TELO2: variants seen among roughly 807,000 people sequenced by gnomAD.
The protein encoded by TELO2 is telomere length regulation protein TEL2 homolog.
Under a neutral mutation model 91.0 loss-of-function variants are expected in TELO2, and 71 were observed. The observed-to-expected ratio is 0.78, with a 90% confidence interval of 0.64 to 0.95. The LOEUF is 0.95. Among genes scored for constraint, TELO2 ranks in the 40% least tolerant of loss-of-function variants. The pLI is 0.00. For missense variants in TELO2, 1,183 were observed against 1,141.3 expected, an observed-to-expected ratio of 1.04 and a Z score of -0.53; for synonymous variants, 584 against 518.9, an observed-to-expected ratio of 1.13 and a Z score of -1.71.
In TELO2 at chr16:1,502,260, T is replaced by G. The variant is rs1486478736; in HGVS notation, c.1562-53T>G. 1.9e-6 allele frequency: 3 copies of G among 1,566,596 alleles called. No individual in the cohort carries two copies. The African/African-American group carries it at 4.1e-5, about 21-fold the overall frequency. On this transcript the variant is annotated intron_variant, in intron 12 of 20. Coordinates refer to ENST00000262319, the MANE Select transcript of TELO2 (RefSeq NM_016111.4). ...GTGCCGCCCGTGCTGCTGGCTCTCA[T>G]GGGTTCAGGGTCAGGGCTGAGGCTG...
Position 1,500,576 on chromosome 16 carries a change from C to T in TELO2, c.1158C>T (p.Ser386=). The part of the protein sequence containing the change: ...LRDSRDELLA[S]MMAGVKCRLD... ...CGGTGCTTGCAGAACTGCTGGCCAG[C>T]ATGATGGCGGGCGTGAAGTGCCGCC... The change falls in exon 9 of 21, where the codon AGC becomes AGT. Residue 386 remains serine (S), a synonymous_variant. Transcript: ENST00000262319. The T allele has an allele frequency of 6.2e-7, 1 of 1,611,974 alleles. No individual in the cohort carries two copies. Among genetic ancestry groups the T allele is most frequent in the Non-Finnish European group, 8.5e-7 (1 of 1,179,602 alleles).
chr16:1,510,017 C>A lies in TELO2; in HGVS notation c.*81C>A. On this transcript the variant is annotated 3_prime_UTR_variant, in exon 21 of 21. Transcript: ENST00000262319. ...AGCGGCCTGGAGCAGCAGAGCCAGG[C>A]TTTGTAGCGAGGCCAGGTCTTCGGC... The A allele has an allele frequency of 1.5e-6, 2 of 1,303,492 alleles. No homozygotes were observed. The highest frequency in any genetic ancestry group is 2.1e-6 in the Non-Finnish European group (2 of 936,682). 80.7% of individuals were successfully genotyped at this position (1,303,492 alleles called of 1,614,324 possible).
rs1302521488 is a variant in TELO2, at chr16:1,505,781, C to CTA, written c.2034+181_2034+182insAT. 6.6e-6 allele frequency among the ~76,000 whole-genome samples: 1 copy of CTA among 152,220 alleles called. No homozygotes were observed. The highest frequency in any genetic ancestry group is 2.4e-5 in the African/African-American group (1 of 41,462). ...TTTGCACCGAGGAACTGGATTTTGG[C>CTA]TGTAGGAGACCCAGACTGGGCTTGG... On this transcript the variant is annotated intron_variant, in intron 16 of 20. Coordinates refer to ENST00000262319, the MANE Select transcript of TELO2 (RefSeq NM_016111.4). This position sits in a 1 kb window ranked among gnomAD's most constrained non-coding sequence, Gnocchi z 4.3.
In TELO2 at chr16:1,495,371, G is replaced by A. The variant is rs757625861; in HGVS notation, c.361G>A (p.Ala121Thr). The change falls in exon 3 of 21, where the codon GCG (alanine) becomes ACG (threonine). Residue 121 changes from alanine (A) to threonine (T), a missense_variant. Transcript: ENST00000262319. ...AGPSFRLMKM[A>T]RLLARFLREG... ...CCCCAGCTTCCGGCTGATGAAGATG[G>A]CGCGGCTGCTGGCCAGATTCCTGCG... is the stretch of plus-strand genomic sequence containing the variant. 7.1e-6 allele frequency: 11 copies of A among 1,559,296 alleles called. No homozygotes were observed. The highest frequency in any genetic ancestry group is 9.5e-6 in the Non-Finnish European group (11 of 1,152,050).
At chr16:1,500,240 G>A in intron 7 of TELO2, 76 bp downstream of exon 7, 2 of 1,533,904 alleles carry the variant, frequency 1.3e-6, no homozygotes, top group Non-Finnish European at 1.8e-6. Context: ...TTGGGCGGCA[G>A]GGTGAGGCTG....
intron 14 of TELO2, 62 bp downstream of exon 14, chr16:1,502,823 G>C (rs1442334335): frequency 1.2e-6 from 2 of 1,601,478 alleles, no homozygotes; most frequent in Non-Finnish European, 1.7e-6. Context: ...TGGGAGCTGC[G>C]GTGCCTGAGT....
intron 3 of TELO2, among the ~76,000 whole-genome samples, chr16:1,495,832 C>G (rs1596249952): frequency 6.6e-6 from 1 of 152,230 alleles, no homozygotes; most frequent in Non-Finnish European, 1.5e-5. Flanking sequence ...GCGGGCTTCT[C>G]TTGTCCCTGC....
rs2039728504 is a variant in TELO2 at position 1,502,530 on chromosome 16, G to A, written c.1654-115G>A. 3 of 1,499,582 alleles carry A rather than the reference G, an allele frequency of 2.0e-6. No homozygotes were observed. The South Asian group carries it at 3.7e-5, about 18-fold the overall frequency. The allele number at this position is 1,499,582 out of a possible 1,614,324, so 92.9% of individuals were successfully genotyped here. ...GACAGGGCTGCTGCCTCTCCCGGGG[G>A]GCCTGCGGCCTGGGGCCTCTGCTGG... On this transcript the variant is annotated intron_variant, in intron 13 of 20. Transcript: ENST00000262319.
At position 1,497,642 on chromosome 16, in the gene TELO2, G is replaced by A. The variant is rs1272954498; in HGVS notation, c.830+134G>A. The A allele has an allele frequency of 5.5e-6, 7 of 1,266,390 alleles. No individual in the cohort carries two copies. The highest frequency in any genetic ancestry group is 1.5e-5 in the African/African-American group (1 of 66,360). 78.4% of individuals were successfully genotyped at this position (1,266,390 alleles called of 1,614,324 possible). A position where few individuals can be genotyped will look rare whatever the true frequency, so the allele number is the denominator to read the frequency against. On this transcript the variant is annotated intron_variant, in intron 5 of 20. Transcript: ENST00000262319. This position sits in a 1 kb window ranked among gnomAD's most constrained non-coding sequence, Gnocchi z 4.0. The stretch of plus-strand genomic sequence containing the variant: ...CCCCATGTAGGTGCCACAGGGTGTG[G>A]GTGGTGCCCTCTCAGTTCCCGCACG...
chr16:1,501,080 C>T (rs1311753601), intron 9 of TELO2, among the ~76,000 whole-genome samples: 2 of 152,230 alleles, frequency 1.3e-5, no homozygotes, highest in Admixed American at 6.5e-5. Flanking sequence ...GCTGCCTGGC[C>T]ATGGAGGAGC....
At chr16:1,501,350 C>A in intron 9 of TELO2, 70 bp from the exon 10 acceptor site, 1 of 1,528,298 alleles carries the variant, frequency 6.5e-7, no homozygotes, top group Non-Finnish European at 8.9e-7. Context: ...GGGAGTGGCT[C>A]CCGTGGCTCC....
intron 17 of TELO2, 158 bp downstream of exon 17, chr16:1,506,487 G>T (rs949767402): frequency 1.3e-6 from 2 of 1,484,414 alleles, no homozygotes; most frequent in Admixed American, 2.2e-5. Context: ...ATGGCAGGGA[G>T]CGTCCCGCAA....
Position 1,497,475 on chromosome 16 carries a change from CTG to C in TELO2, c.800_801del (p.Val267AlafsTer12), listed in dbSNP as rs1188696970. On this transcript the variant is annotated frameshift_variant, in exon 5 of 21. Transcript: ENST00000262319. LOFTEE classifies it high-confidence loss of function. The surrounding 1 kb of genome is among the most constrained non-coding windows in gnomAD (Gnocchi z 4.0). ...CAAGTGCCGGACCGGGCCATGGAGGCTGTGCTGACCGGGCTGGTGGAGGCCGC... is the reference window on the plus strand; with the variant it reads ...CAAGTGCCGGACCGGGCCATGGAGGCTGCTGACCGGGCTGGTGGAGGCCGC... 3 of 1,575,134 alleles carry C rather than the reference CTG, an allele frequency of 1.9e-6. No homozygotes were observed. The highest frequency in any genetic ancestry group is 2.6e-6 in the Non-Finnish European group (3 of 1,162,686).
chr16:1,509,291 C>T (rs572123793), intron 20 of TELO2, among the ~76,000 whole-genome samples: 3 of 152,282 alleles, frequency 2.0e-5, no homozygotes, highest in Admixed American at 6.5e-5. Context: ...GCCTCCTCAC[C>T]CTGCGATTCT....
rs762959262 is a variant in TELO2 at position 1,500,098 on chromosome 16, G to C, written c.936G>C (p.Thr312=). The change falls in exon 7 of 21, where the codon ACG becomes ACC. Residue 312 remains threonine, a splice_region_variant and synonymous_variant. Transcript: ENST00000262319. ...ACAGGCATGTGCTTTTATTGCAGAC[G>C]CCCATGCTGCAGAGCCTGCTGGGCC... ...KLLFLQSRLT[T]PMLQSLLGHL... is the part of the protein sequence containing the mutation. 1 of 1,608,832 alleles carries C rather than the reference G, an allele frequency of 6.2e-7. No individual in the cohort carries two copies. Among genetic ancestry groups the C allele is most frequent in the Non-Finnish European group, 8.5e-7 (1 of 1,179,174 alleles).
chr16:1,502,077 G>A lies in TELO2; in HGVS notation c.1503G>A (p.Ser501=), dbSNP rs199679624. The change falls in exon 12 of 21, where the codon TCG becomes TCA. Residue 501 remains serine, a synonymous_variant. Transcript: ENST00000262319. The part of the protein sequence containing the change: ...SDDEFVPYDM[S]GDRELKSSKA... ...ATGAGTTTGTCCCCTACGACATGTC[G>A]GGGGACAGAGAGCTGAAGAGCAGCA... is the stretch of plus-strand genomic sequence containing the variant. The A allele has an allele frequency of 2.0e-4, 326 of 1,613,118 alleles. No individual in the cohort carries two copies. Among genetic ancestry groups the A allele is most frequent in the Non-Finnish European group, 2.6e-4 (304 of 1,179,910 alleles).
At chr16:1,506,785 G>C (rs1038307657) in intron 17 of TELO2, 167 bp from the exon 18 acceptor site, 2 of 1,416,514 alleles carry the variant, frequency 1.4e-6, no homozygotes, top group African/African-American at 2.9e-5. Flanking sequence ...CCTGCAGGGG[G>C]AGTAGGCACC....
chr16:1,502,949 TCA>T lies in TELO2; in HGVS notation c.1792_1793del (p.Gln598ValfsTer27). The T allele has an allele frequency of 6.2e-7, 1 of 1,611,462 alleles. No homozygotes were observed. On this transcript the variant is annotated frameshift_variant, in exon 15 of 21. Transcript: ENST00000262319. LOFTEE classifies it high-confidence loss of function. ...DPAPVADYLT[S>X]QFYALNYSLR... ...TCCTCAGGTGGCCGACTATCTGACC[TCA>T]CAGTTCTATGCCCTCAACTACAGCC...
intron 3 of TELO2, among the ~76,000 whole-genome samples, chr16:1,496,417 C>G (rs2039494944): frequency 6.6e-6 from 1 of 152,234 alleles, no homozygotes; most frequent in African/African-American, 2.4e-5. Context: ...CGAACGTAGC[C>G]CTAGGCTTGC....
Sources: gnomAD v4.1 joint callset for allele counts (sites outside exome capture counted in the v4.1 genomes callset) on GRCh38, gnomAD v4.1.1 for gene constraint, Gnocchi (gnomAD v3.1) non-coding constraint, MANE v1.5 for transcripts, NCBI Gene and HGNC (gene_info 2026-07-23, HGNC 2026-07-21) for gene names.